CHST3: variants seen among roughly 807,000 people sequenced by gnomAD.
CHST3 encodes C6ST-1.
In CHST3, 20 loss-of-function variants were observed where a neutral mutation model predicts 35.4. That is an observed-to-expected ratio of 0.57 (90% confidence interval 0.40 to 0.82). The LOEUF (loss-of-function observed/expected upper bound fraction) is 0.82. Among genes scored for constraint, CHST3 ranks in the 40% least tolerant of loss-of-function variants. The probability of loss-of-function intolerance (pLI) is 0.00; values close to 1 mark genes in which losing one functional copy is unlikely to be tolerated. For synonymous variants in CHST3, 334 were observed against 295.9 expected, an observed-to-expected ratio of 1.13 and a Z score of -1.32; for missense variants, 693 against 670.1, an observed-to-expected ratio of 1.03 and a Z score of -0.38.
intron 1 of CHST3, among the ~76,000 whole-genome samples, chr10:71,974,502 C>T (rs997559055): frequency 2.0e-5 from 3 of 152,124 alleles, no homozygotes; most frequent in South Asian, 2.1e-4. Context: ...GGGCTGGGGC[C>T]GCAGCCAGGA....
At chr10:71,995,482 G>A (rs1839931119) in intron 1 of CHST3, among the ~76,000 whole-genome samples, 1 of 151,506 alleles carries the variant, frequency 6.6e-6, no homozygotes, top group Non-Finnish European at 1.5e-5. Flanking sequence ...ACTGTTTGGT[G>A]CAAGAGGCCT....
chr10:71,990,184 C>T (rs2131753886), intron 1 of CHST3, among the ~76,000 whole-genome samples: 1 of 152,218 alleles, frequency 6.6e-6, no homozygotes, highest in African/African-American at 2.4e-5. Context: ...ATACCATACA[C>T]TGAGAAACTT....
chr10:71,968,085 G>A (rs1442231122), intron 1 of CHST3, among the ~76,000 whole-genome samples: 1 of 151,734 alleles, frequency 6.6e-6, no homozygotes, highest in Non-Finnish European at 1.5e-5. Flanking sequence ...CAAAATGCTG[G>A]GATTACAGGC....
chr10:72,012,103 A>G lies in CHST3; in HGVS notation c.*3632A>G, dbSNP rs897293535. The G allele has an allele frequency of 6.6e-6, 1 of 152,180 alleles. No homozygotes were observed. The highest frequency in any genetic ancestry group is 1.5e-5 in the Non-Finnish European group (1 of 68,026). The allele number at this position is 152,180 out of a possible 1,614,324, so 9.4% of individuals were successfully genotyped here. A position where few individuals can be genotyped will look rare whatever the true frequency, so the allele number is the denominator to read the frequency against. Reference sequence around the variant, plus strand: ...ACAAGTTTACTTCCGGTCTGCTAGCACCCTCAGCCTGGGAGCTACTGCCAG... The same window carrying G: ...ACAAGTTTACTTCCGGTCTGCTAGCGCCCTCAGCCTGGGAGCTACTGCCAG... On this transcript the variant is annotated 3_prime_UTR_variant, in exon 3 of 3. Coordinates refer to ENST00000373115, the MANE Select transcript of CHST3 (RefSeq NM_004273.5).
chr10:71,973,156 G>C (rs1839712319), intron 1 of CHST3, among the ~76,000 whole-genome samples: 1 of 152,214 alleles, frequency 6.6e-6, no homozygotes, highest in African/African-American at 2.4e-5. Flanking sequence ...GTGGTGAGCG[G>C]GAGGGGTGGC....
At chr10:71,982,535 T>A (rs2131746691) in intron 1 of CHST3, among the ~76,000 whole-genome samples, 1 of 152,310 alleles carries the variant, frequency 6.6e-6, no homozygotes, top group Middle Eastern at 3.4e-3. Context: ...GGAGGATCTC[T>A]TGAGGCCAGG....
At position 72,007,460 on chromosome 10, in the gene CHST3, C is replaced by A. The variant is rs1171568380; in HGVS notation, c.429C>A (p.Thr143=). 2 of 1,602,706 alleles carry A rather than the reference C, an allele frequency of 1.2e-6. No individual in the cohort carries two copies. The highest frequency in any genetic ancestry group is 1.7e-6 in the Non-Finnish European group (2 of 1,179,702). The change falls in exon 3 of 3, where the codon ACC becomes ACA. Residue 143 remains threonine (T), a synonymous_variant. Coordinates refer to ENST00000373115, the MANE Select transcript of CHST3 (RefSeq NM_004273.5). ...RHVLLMATTR[T]GSSFVGEFFN... ...TGCTGCTCATGGCCACCACGCGCAC[C>A]GGCTCCTCGTTCGTGGGCGAGTTCT... is the stretch of plus-strand genomic sequence containing the variant.
chr10:72,001,155 C>G (rs973945805), intron 1 of CHST3, among the ~76,000 whole-genome samples: 19 of 152,194 alleles, frequency 1.2e-4, no homozygotes, highest in Admixed American at 4.6e-4. Context: ...TGGGCTGGCT[C>G]TGCCCAGGGC....
intron 1 of CHST3, among the ~76,000 whole-genome samples, chr10:71,991,638 T>G (rs1839897447): frequency 6.6e-6 from 1 of 152,106 alleles, no homozygotes; most frequent in African/African-American, 2.4e-5. Context: ...GCATATAAAA[T>G]TTACATTTAC....
chr10:72,006,621 A>C lies in CHST3; in HGVS notation c.141-551A>C, dbSNP rs148485047. Among the ~76,000 whole-genome samples, 62 of 152,320 alleles carry C rather than the reference A, an allele frequency of 4.1e-4. 1 individual carries two copies. The East Asian group carries it at 0.011, about 27-fold the overall frequency. ...CCCTTTGAATTGGCAGCATACAGCT[A>C]TGTGCAGTGGGCCTGTTAGATGTAG... is the stretch of plus-strand genomic sequence containing the variant. On this transcript the variant is annotated intron_variant, in intron 2 of 2. Transcript: ENST00000373115.
intron 1 of CHST3, among the ~76,000 whole-genome samples, chr10:71,972,778 C>A (rs540674908): frequency 6.6e-6 from 1 of 152,366 alleles, no homozygotes; most frequent in East Asian, 1.9e-4. Context: ...CTCTCTGTAG[C>A]CTTCCCAGCT....
At position 71,997,955 on chromosome 10, in the gene CHST3, C is replaced by T. The variant is rs1839956519; in HGVS notation, c.-107-7781C>T. On this transcript the variant is annotated intron_variant, in intron 1 of 2. Transcript: ENST00000373115. ...TGCTGGGATTACAAGCATAAGCCAC[C>T]ACGCCCAGTCTCCATAAATGATTTA... is the stretch of plus-strand genomic sequence containing the variant. Among the ~76,000 whole-genome samples, 3 of 152,184 alleles carry T rather than the reference C, an allele frequency of 2.0e-5. No individual in the cohort carries two copies. In the South Asian group the frequency reaches 6.2e-4, roughly 32 times the overall value.
At chr10:71,987,960 A>G (rs1839864309) in intron 1 of CHST3, among the ~76,000 whole-genome samples, 1 of 152,172 alleles carries the variant, frequency 6.6e-6, no homozygotes. Flanking sequence ...GAGGTGCAGA[A>G]CAAAATGGGA....
At chr10:71,976,612 T>C (rs572159287) in intron 1 of CHST3, among the ~76,000 whole-genome samples, 1 of 152,222 alleles carries the variant, frequency 6.6e-6, no homozygotes, top group East Asian at 1.9e-4. Context: ...TCAGGCCCAA[T>C]GGTTGCTGTA....
intron 1 of CHST3, among the ~76,000 whole-genome samples, chr10:71,978,276 G>C (rs1322595693): frequency 6.6e-6 from 1 of 151,890 alleles, no homozygotes; most frequent in Non-Finnish European, 1.5e-5. Flanking sequence ...TGAGGCAGGA[G>C]AATCTCTTGA....
At chr10:71,965,399 C>T (rs1839620057) in intron 1 of CHST3, among the ~76,000 whole-genome samples, 1 of 152,256 alleles carries the variant, frequency 6.6e-6, no homozygotes, top group East Asian at 1.9e-4. Flanking sequence ...GGGTAGTGGC[C>T]GTGACAGTCT....
In CHST3 at chr10:72,007,901, C is replaced by T. The variant is rs893919771; in HGVS notation, c.870C>T (p.Pro290=). 10 of 1,574,478 alleles carry T rather than the reference C, an allele frequency of 6.4e-6. No homozygotes were observed. The highest frequency in any genetic ancestry group is 7.8e-6 in the Non-Finnish European group (9 of 1,160,596). ...LEFLQPLAED[P]RLDLRVIQLV... is the part of the protein sequence containing the mutation. The stretch of plus-strand genomic sequence containing the variant: ...TCCTGCAGCCGCTGGCCGAGGACCC[C>T]CGCCTGGACCTGCGCGTCATCCAGC... The change falls in exon 3 of 3, where the codon CCC becomes CCT. Residue 290 remains proline, a synonymous_variant. Coordinates refer to ENST00000373115, the MANE Select transcript of CHST3 (RefSeq NM_004273.5).
At chr10:71,979,379 G>T (rs960859993) in intron 1 of CHST3, among the ~76,000 whole-genome samples, 1 of 152,160 alleles carries the variant, frequency 6.6e-6, no homozygotes, top group South Asian at 2.1e-4. Context: ...AGTCTCGGGA[G>T]GGGGGTTAGA....
At chr10:71,966,927 T>C (rs2131734164) in intron 1 of CHST3, among the ~76,000 whole-genome samples, 1 of 152,312 alleles carries the variant, frequency 6.6e-6, no homozygotes, top group South Asian at 2.1e-4. Context: ...GTTTGTTACA[T>C]AGGTAAATTG....
Sources: allele counts gnomAD v4.1 joint callset (sites outside exome capture counted in the v4.1 genomes callset), GRCh38; gene constraint gnomAD v4.1.1; transcripts MANE v1.5; gene names NCBI Gene and HGNC (gene_info 2026-07-23, HGNC 2026-07-21).